Variants in ZNF385D observed in about 807,000 individuals in gnomAD.
ZNF385D encodes zinc finger protein 659.
Under a neutral mutation model 35.8 loss-of-function variants are expected in ZNF385D, and 15 were observed. That is an observed-to-expected ratio of 0.42 (90% CI 0.28 to 0.64). The LOEUF (loss-of-function observed/expected upper bound fraction) is 0.64. Ranked by LOEUF, ZNF385D falls within the 30% of genes least tolerant of loss-of-function variation. ZNF385D has a pLI of 0.23. For synonymous variants in ZNF385D, 212 were observed against 186.8 expected (o/e 1.13, Z -1.10); for missense variants, 474 against 494.6 (o/e 0.96, Z 0.39).
At chr3:21,931,834 A>G (rs1424035183) in intron 3 of ZNF385D, among the ~76,000 whole-genome samples, 1 of 152,110 alleles carries the variant, frequency 6.6e-6, no homozygotes, top group Non-Finnish European at 1.5e-5. Context: ...CAGTTTTATA[A>G]TATGTAAATT....
intron 3 of ZNF385D, among the ~76,000 whole-genome samples, chr3:21,914,393 T>C (rs1700099236): frequency 1.3e-5 from 2 of 151,804 alleles, no homozygotes; most frequent in South Asian, 4.2e-4. Flanking sequence ...TTTTTTTTTT[T>C]TTTTTTGGTC....
At chr3:22,354,439 A>G (rs1227035611) in intron 2 of ZNF385D, among the ~76,000 whole-genome samples, 1 of 152,130 alleles carries the variant, frequency 6.6e-6, no homozygotes, top group African/African-American at 2.4e-5. Context: ...TCAATCCAAG[A>G]GACACAGTCA....
Position 21,627,026 on chromosome 3 carries a change from C to CT in ZNF385D, c.165+37859dup, listed in dbSNP as rs1159704150. ...ATGTTTTACAGTGAAAAATATAAAA[C>CT]TTTTTTTTGGACAATTTAGGGAGGT... On this transcript the variant is annotated intron_variant, in intron 2 of 7. Coordinates refer to ENST00000281523, the MANE Select transcript of ZNF385D (RefSeq NM_024697.3). Among the ~76,000 whole-genome samples the CT allele has an allele frequency of 3.3e-5, 5 of 150,150 alleles. No individual in the cohort carries two copies. In the South Asian group the frequency reaches 8.4e-4, roughly 25 times the overall value.
chr3:21,517,971 T>G (rs926284315), intron 3 of ZNF385D, among the ~76,000 whole-genome samples: 17 of 152,174 alleles, frequency 1.1e-4, no homozygotes, highest in Non-Finnish European at 1.6e-4. Context: ...ATCTCCATCC[T>G]GGACACATTG....
chr3:22,279,530 G>GTACATATATATGTATATACATA lies in ZNF385D; in HGVS notation c.106+92898_106+92919dup, dbSNP rs1559495448. 2.6e-3 allele frequency among the ~76,000 whole-genome samples: 362 copies of GTACATATATATGTATATACATA among 140,436 alleles called. 5 individuals carry two copies. The highest frequency in any genetic ancestry group is 9.3e-3 in the African/African-American group (342 of 36,870). 92.1% of individuals were successfully genotyped at this position (140,436 alleles called of 152,430 possible). Reference sequence around the variant, plus strand: ...TATATATGTATATACATATACATATGTACATATATATGTATATACATATAC... The same window carrying GTACATATATATGTATATACATA: ...TATATATGTATATACATATACATATGTACATATATATGTATATACATATACATATATATGTATATACATATAC... On this transcript the variant is annotated intron_variant, in intron 2 of 5. Coordinates refer to the ZNF385D transcript ENST00000494108.
At chr3:21,635,964 G>A (rs2065418681) in intron 2 of ZNF385D, among the ~76,000 whole-genome samples, 2 of 152,084 alleles carry the variant, frequency 1.3e-5, no homozygotes, top group African/African-American at 4.8e-5. Flanking sequence ...GTTGATTGAT[G>A]GGCATTTGGG....
intron 1 of ZNF385D, among the ~76,000 whole-genome samples, chr3:21,711,263 G>T (rs752030743): frequency 4.6e-5 from 7 of 151,562 alleles, no homozygotes; most frequent in Non-Finnish European, 1.0e-4. Context: ...GGATGGTCTC[G>T]ATCTCCTGAC....
At chr3:22,083,898 A>G (rs1700893705) in intron 3 of ZNF385D, among the ~76,000 whole-genome samples, 1 of 152,348 alleles carries the variant, frequency 6.6e-6, no homozygotes, top group Admixed American at 6.5e-5. Context: ...CAGAAACTCT[A>G]CAAGCCAGAA....
chr3:21,434,526 A>T (rs1701458298), intron 5 of ZNF385D, among the ~76,000 whole-genome samples: 1 of 152,196 alleles, frequency 6.6e-6, no homozygotes, highest in African/African-American at 2.4e-5. Flanking sequence ...TGTTTAGTGC[A>T]GGTAAGATTG....
At chr3:22,306,706 T>C (rs113246025) in intron 2 of ZNF385D, among the ~76,000 whole-genome samples, 13 of 152,206 alleles carry the variant, frequency 8.5e-5, no homozygotes, top group East Asian at 7.7e-4. Flanking sequence ...AGCATGAGAA[T>C]TGTCAGAGAG....
intron 3 of ZNF385D, among the ~76,000 whole-genome samples, chr3:21,863,994 C>G (rs1035975046): frequency 1.3e-5 from 2 of 152,136 alleles, no homozygotes; most frequent in African/African-American, 4.8e-5. Context: ...AGATGATACT[C>G]ATGATGCCGG....
At chr3:21,683,688 C>T (rs971361919) in intron 1 of ZNF385D, among the ~76,000 whole-genome samples, 7 of 149,910 alleles carry the variant, frequency 4.7e-5, no homozygotes, top group Non-Finnish European at 8.9e-5. Flanking sequence ...GAGCATTCTC[C>T]GGCTGGTTGC....
At chr3:22,299,598 T>G (rs1158341695) in intron 2 of ZNF385D, among the ~76,000 whole-genome samples, 1 of 151,942 alleles carries the variant, frequency 6.6e-6, no homozygotes, top group Non-Finnish European at 1.5e-5. Flanking sequence ...AGAAAACTGT[T>G]AGAACTAATA....
At chr3:22,208,926 T>G (rs1327753928) in intron 2 of ZNF385D, among the ~76,000 whole-genome samples, 1 of 151,850 alleles carries the variant, frequency 6.6e-6, no homozygotes, top group African/African-American at 2.4e-5. Context: ...AGGGAATCTT[T>G]GTTGTCAGTT....
chr3:21,435,829 T>C (rs1001550481), intron 5 of ZNF385D, among the ~76,000 whole-genome samples: 1 of 152,184 alleles, frequency 6.6e-6, no homozygotes, highest in African/African-American at 2.4e-5. Context: ...TCTTAGTACC[T>C]GAACTCATGA....
At chr3:22,169,853 G>A (rs1044904134) in intron 2 of ZNF385D, among the ~76,000 whole-genome samples, 2 of 152,122 alleles carry the variant, frequency 1.3e-5, no homozygotes, top group African/African-American at 4.8e-5. Flanking sequence ...GGAGTGCAGT[G>A]GCATGATCTT....
At chr3:22,344,192 G>GTGTGTGTGTC (rs1295393479) in intron 2 of ZNF385D, among the ~76,000 whole-genome samples, 1 of 151,698 alleles carries the variant, frequency 6.6e-6, no homozygotes, top group Non-Finnish European at 1.5e-5. Flanking sequence ...GTGTGTGTGT[G>GTGTGTGTGTC]TGTGTGTGTG....
At chr3:22,301,285 T>C (rs1217419608) in intron 2 of ZNF385D, among the ~76,000 whole-genome samples, 2 of 151,888 alleles carry the variant, frequency 1.3e-5, no homozygotes, top group Non-Finnish European at 2.9e-5. Flanking sequence ...GAGTTTGGGG[T>C]GGAGCCAAAG....
At chr3:21,748,080 T>A (rs1454228753) in intron 1 of ZNF385D, among the ~76,000 whole-genome samples, 1 of 152,092 alleles carries the variant, frequency 6.6e-6, no homozygotes, top group Non-Finnish European at 1.5e-5. Flanking sequence ...AACAAAAGTG[T>A]CCACGGTGAC....
Sources: gnomAD v4.1 joint callset for allele counts (sites outside exome capture counted in the v4.1 genomes callset) on GRCh38, gnomAD v4.1.1 for gene constraint, MANE v1.5 for transcripts, NCBI Gene and HGNC (gene_info 2026-07-23, HGNC 2026-07-21) for gene names.